The following SYCP2 variants were observed in gnomAD, a reference collection of about 807,000 sequenced individuals.
SYCP2 encodes the protein synaptonemal complex protein 2, also known as synaptonemal complex lateral element protein.
A neutral mutation model predicts 211.3 loss-of-function variants in SYCP2; 55 were observed. The observed-to-expected ratio is 0.26, with a 90% CI of 0.21 to 0.33. SYCP2 has a LOEUF of 0.33. Among genes scored for constraint, SYCP2 ranks in the 10% least tolerant of loss-of-function variants. SYCP2 has a pLI of 1.00. For missense variants in SYCP2, 1,731 were observed against 1,752.0 expected (o/e 0.99, Z 0.21); for synonymous variants, 570 against 555.2 (o/e 1.03, Z -0.37).
chr20:59,886,961 A>C (rs149677862), intron 24 of SYCP2, 127 bp from the exon 25 acceptor site: 16,189 of 679,032 alleles, frequency 0.024, 236 homozygotes, highest in Middle Eastern at 0.041. Context: ...AAAGAGAGTC[A>C]ACTGTTTAGT....
At chr20:59,917,131 TA>T (rs1043376605) in intron 7 of SYCP2, among the ~76,000 whole-genome samples, 3 of 151,672 alleles carry the variant, frequency 2.0e-5, no homozygotes, top group South Asian at 4.1e-4. Flanking sequence ...AGGAGGTATT[TA>T]TTTTTTTTTT....
At chr20:59,909,362 C>G (rs1385031651) in intron 14 of SYCP2, among the ~76,000 whole-genome samples, 1 of 152,220 alleles carries the variant, frequency 6.6e-6, no homozygotes, top group African/African-American at 2.4e-5. Context: ...TCTGTCTCCT[C>G]TCAAGTCTTT....
At chr20:59,919,903 T>G (rs1713231998) in intron 5 of SYCP2, among the ~76,000 whole-genome samples, 1 of 151,666 alleles carries the variant, frequency 6.6e-6, no homozygotes, top group African/African-American at 2.4e-5. Flanking sequence ...TCATCACAAT[T>G]TAGACCATTT....
intron 44 of SYCP2, 23 bp downstream of exon 44, chr20:59,865,365 A>G: frequency 6.3e-7 from 1 of 1,582,836 alleles, no homozygotes; most frequent in Non-Finnish European, 8.6e-7. Flanking sequence ...TGATTATCCC[A>G]TTTTCAAACT....
intron 7 of SYCP2, 42 bp from the exon 8 acceptor site, chr20:59,916,613 AT>A: frequency 7.6e-7 from 1 of 1,308,482 alleles, no homozygotes; most frequent in Non-Finnish European, 1.1e-6. Context: ...TTCATTTCAA[AT>A]CCTCTTAACT....
intron 34 of SYCP2, 94 bp from the exon 35 acceptor site, chr20:59,874,155 T>C (rs1444159967): frequency 3.2e-6 from 2 of 621,310 alleles, no homozygotes; most frequent in Non-Finnish European, 5.0e-6. Flanking sequence ...ATTCTAAGAA[T>C]TTGTCAGATC....
intron 43 of SYCP2, 59 bp from the exon 44 acceptor site, chr20:59,865,503 G>C: frequency 6.3e-7 from 1 of 1,578,718 alleles, no homozygotes; most frequent in Non-Finnish European, 8.6e-7. Flanking sequence ...TCACAGCAAA[G>C]ACAAAGTTAC....
At chr20:59,895,004 TA>T (rs11477513) in intron 20 of SYCP2, among the ~76,000 whole-genome samples, 3,032 of 152,190 alleles carry the variant, frequency 0.02, 42 homozygotes, top group Middle Eastern at 0.041. Context: ...CTTGACCCTC[TA>T]ACTTGGTTCC....
At chr20:59,919,207 ATTTAC>A in intron 6 of SYCP2, 25 bp from the exon 7 acceptor site, 5 of 1,137,590 alleles carry the variant, frequency 4.4e-6, no homozygotes, top group Non-Finnish European at 6.5e-6. Context: ...ATAATATTTA[ATTTAC>A]AAGTTACTAT....
chr20:59,886,114 C>G (rs932277165), intron 25 of SYCP2, 150 bp from the exon 26 acceptor site: 1 of 603,896 alleles, frequency 1.7e-6, no homozygotes, highest in Non-Finnish European at 2.9e-6. Context: ...AGTTTTGCTA[C>G]TTCACTCACA....
intron 12 of SYCP2, 61 bp from the exon 13 acceptor site, chr20:59,912,479 G>GGCA (rs2060350259): frequency 1.6e-6 from 1 of 609,872 alleles, no homozygotes; most frequent in Non-Finnish European, 2.7e-6. Flanking sequence ...ATCTTGTCCA[G>GGCA]TAATAGAAAT....
intron 2 of SYCP2, among the ~76,000 whole-genome samples, chr20:59,928,264 G>A (rs1376904008): frequency 1.3e-5 from 2 of 151,986 alleles, no homozygotes; most frequent in Admixed American, 1.3e-4. Flanking sequence ...TCAGACAATT[G>A]CATTTTTTAA....
intron 44 of SYCP2, among the ~76,000 whole-genome samples, 194 bp from the exon 45 acceptor site, chr20:59,864,582 A>T (rs2059293124): frequency 6.6e-6 from 1 of 152,040 alleles, no homozygotes; most frequent in Admixed American, 6.6e-5. Context: ...ATTCAAGACA[A>T]TCAGTTGAGA....
chr20:59,867,136 G>A (rs1158932966), intron 39 of SYCP2, among the ~76,000 whole-genome samples: 1 of 62,804 alleles, frequency 1.6e-5, no homozygotes, highest in Non-Finnish European at 3.3e-5. Context: ...TTGATAACCT[G>A]TGCCCAAAAT....
chr20:59,893,268 T>C (rs2059943347), intron 21 of SYCP2, 69 bp from the exon 22 acceptor site: 3 of 1,037,382 alleles, frequency 2.9e-6, no homozygotes, highest in Admixed American at 2.1e-5. Flanking sequence ...GGGAGGTTAG[T>C]ATAGAAATCT....
chr20:59,893,169 T>C lies in SYCP2; in HGVS notation c.1766A>G (p.Gln589Arg). ...AGTATGATCTCTTTTTTCCGCTGCCTGTGAATCTGGTATAACATCCTGGAG... is the reference window on the plus strand; with the variant it reads ...AGTATGATCTCTTTTTTCCGCTGCCCGTGAATCTGGTATAACATCCTGGAG... ...SELQDVIPDS[Q>R]AAEKRDHTIL... is the part of the protein sequence containing the mutation. The change falls in exon 22 of 45, where the codon CAG becomes CGG. Residue 589 changes from glutamine to arginine, a missense_variant. Gln to Arg is a conservative substitution (Grantham distance 43). Coordinates refer to ENST00000357552, the MANE Select transcript of SYCP2 (RefSeq NM_014258.4). The C allele has an allele frequency of 6.2e-7, 1 of 1,603,802 alleles. No homozygotes were observed. Among genetic ancestry groups the C allele is most frequent in the Middle Eastern group, 1.7e-4 (1 of 5,742 alleles).
Position 59,863,683 on chromosome 20 carries a change from TAAAAGTATTTGTC to T in SYCP2, c.*615_*627del, listed in dbSNP as rs2059277109. On this transcript the variant is annotated 3_prime_UTR_variant, in exon 45 of 45. Transcript: ENST00000357552. ...CAAGATATTACAATGACTACTAGAT[TAAAAGTATTTGTC>T]AAACAGCCTGGTTATGAAATAGGAC... 6.6e-6 allele frequency: 1 copy of T among 152,000 alleles called. No individual in the cohort carries two copies. Among genetic ancestry groups the T allele is most frequent in the African/African-American group, 2.4e-5 (1 of 41,422 alleles). The allele number at this position is 152,000 out of a possible 1,614,324, so 9.4% of individuals were successfully genotyped here.
intron 15 of SYCP2, among the ~76,000 whole-genome samples, chr20:59,905,918 G>A (rs956984395): frequency 2.6e-5 from 4 of 152,082 alleles, no homozygotes; most frequent in African/African-American, 9.7e-5. Context: ...AGTGCATAAG[G>A]ATCAGAAAGA....
intron 36 of SYCP2, among the ~76,000 whole-genome samples, chr20:59,869,167 T>A (rs1040100768): frequency 6.6e-6 from 1 of 151,736 alleles, no homozygotes; most frequent in Non-Finnish European, 1.5e-5. Context: ...CTGCTTTTCA[T>A]TTCTTTATTA....
Sources: gnomAD v4.1 joint callset for allele counts (sites outside exome capture counted in the v4.1 genomes callset) on GRCh38, gnomAD v4.1.1 for gene constraint, MANE v1.5 for transcripts, NCBI Gene and HGNC (gene_info 2026-07-23, HGNC 2026-07-21) for gene names.